The following PRKCB variants were observed in gnomAD, a reference collection of about 807,000 sequenced individuals.
PRKCB encodes protein kinase C beta, also known as protein kinase C beta type.
A neutral mutation model predicts 81.5 loss-of-function variants in PRKCB; 13 were observed. The observed-to-expected ratio is 0.16, with a 90% CI of 0.10 to 0.25. The LOEUF (loss-of-function observed/expected upper bound fraction) is 0.25. PRKCB is among the 10% of genes least tolerant of loss of function. The pLI is 1.00. For missense variants in PRKCB, 509 were observed against 875.7 expected, an observed-to-expected ratio of 0.58 and a Z score of 5.29; for synonymous variants, 335 against 321.4, an observed-to-expected ratio of 1.04 and a Z score of -0.45.
chr16:23,836,141 C>T lies in PRKCB; in HGVS notation c.-35C>T. 3 of 1,383,802 alleles carry T rather than the reference C, an allele frequency of 2.2e-6. No individual in the cohort carries two copies. Among genetic ancestry groups the T allele is most frequent in the Non-Finnish European group, 2.8e-6 (3 of 1,066,952 alleles). The allele number at this position is 1,383,802 out of a possible 1,614,324, so 85.7% of individuals were successfully genotyped here. A position where few individuals can be genotyped will look rare whatever the true frequency, so the allele number is the denominator to read the frequency against. On this transcript the variant is annotated 5_prime_UTR_variant, in exon 1 of 17. Coordinates refer to ENST00000643927, the MANE Select transcript of PRKCB (RefSeq NM_002738.7). ...GCCCGCGGTCCCGCGGCCCCGGGGC[C>T]GGCACCTCTCGGGCTCCGGCTCCCC...
At chr16:24,025,206 G>A (rs1356245949) in intron 3 of PRKCB, among the ~76,000 whole-genome samples, 1 of 152,170 alleles carries the variant, frequency 6.6e-6, no homozygotes, top group Non-Finnish European at 1.5e-5. Context: ...CATGTTTATG[G>A]TGCAGGGGTT....
chr16:24,197,428 A>G (rs543414305), intron 16 of PRKCB, among the ~76,000 whole-genome samples: 2 of 152,228 alleles, frequency 1.3e-5, no homozygotes, highest in South Asian at 2.1e-4. Flanking sequence ...GCCCTGAGGC[A>G]GGAGCTTGCC....
chr16:23,987,730 C>T (rs1358009219), intron 2 of PRKCB, among the ~76,000 whole-genome samples: 1 of 152,116 alleles, frequency 6.6e-6, no homozygotes, highest in Non-Finnish European at 1.5e-5. Flanking sequence ...CACCCGTCCT[C>T]CAGAAACCCG....
chr16:23,933,563 C>T (rs574173322), intron 2 of PRKCB, among the ~76,000 whole-genome samples: 1 of 152,080 alleles, frequency 6.6e-6, no homozygotes, highest in Non-Finnish European at 1.5e-5. Flanking sequence ...CATTTTCTAC[C>T]AGAAGACCTT....
chr16:24,042,743 A>ATTTTTT (rs4039567), intron 5 of PRKCB, among the ~76,000 whole-genome samples: 2 of 144,510 alleles, frequency 1.4e-5, no homozygotes, highest in Non-Finnish European at 3.0e-5. Flanking sequence ...TACATACAAA[A>ATTTTTT]TTTTTTTTTT....
intron 2 of PRKCB, among the ~76,000 whole-genome samples, chr16:23,881,457 G>C (rs368654705): frequency 2.0e-5 from 3 of 152,084 alleles, no homozygotes; most frequent in East Asian, 1.9e-4. Context: ...TCATCATGTT[G>C]CCCAGGCTGG....
At chr16:23,866,186 C>T (rs1282603254) in intron 2 of PRKCB, among the ~76,000 whole-genome samples, 1 of 152,122 alleles carries the variant, frequency 6.6e-6, no homozygotes, top group Non-Finnish European at 1.5e-5. Context: ...CCAAGTGTGC[C>T]TTGGTTGACT....
chr16:23,900,032 C>T (rs970953570), intron 2 of PRKCB, among the ~76,000 whole-genome samples: 1 of 152,072 alleles, frequency 6.6e-6, no homozygotes, highest in African/African-American at 2.4e-5. Flanking sequence ...TAATTTAACT[C>T]AAGTGATTTT....
chr16:24,074,285 G>A (rs1966151313), intron 5 of PRKCB, among the ~76,000 whole-genome samples: 1 of 152,206 alleles, frequency 6.6e-6, no homozygotes, highest in Non-Finnish European at 1.5e-5. Context: ...GCACTGTGAT[G>A]TCGTGCCTAA....
At chr16:24,014,483 C>G (rs1340735312) in intron 3 of PRKCB, among the ~76,000 whole-genome samples, 3 of 152,186 alleles carry the variant, frequency 2.0e-5, no homozygotes, top group African/African-American at 7.2e-5. Context: ...GAATACCAAG[C>G]CTAACCCCTT....
rs138119773 is a variant in PRKCB, at chr16:23,905,145, C to A, written c.205+67739C>A. Among the ~76,000 whole-genome samples, 620 of 151,460 alleles carry A rather than the reference C, an allele frequency of 4.1e-3. 2 individuals carry two copies. The highest frequency in any genetic ancestry group is 6.8e-3 in the Non-Finnish European group (462 of 67,942). ...CATTGCTTCCATTTAGAGAAGCAGC[C>A]GGCCCTGGAATGTGGCCGCAGGGCT... On this transcript the variant is annotated intron_variant, in intron 2 of 16. Coordinates refer to ENST00000643927, the MANE Select transcript of PRKCB (RefSeq NM_002738.7).
chr16:24,021,014 TTCTTTCTTTCTTTC>T (rs1779268081), intron 3 of PRKCB, among the ~76,000 whole-genome samples: 5 of 140,962 alleles, frequency 3.5e-5, no homozygotes, highest in Admixed American at 7.1e-5. Flanking sequence ...CTTTCTTTCT[TTCTTTCTTTCTTTC>T]TTTCTTTCTT....
At chr16:23,937,729 G>T (rs965517231) in intron 2 of PRKCB, among the ~76,000 whole-genome samples, 5 of 152,306 alleles carry the variant, frequency 3.3e-5, no homozygotes, top group African/African-American at 1.2e-4. Context: ...CGTACCAAGT[G>T]GGAAGTCACT....
chr16:24,041,332 G>C (rs181505535), intron 5 of PRKCB, among the ~76,000 whole-genome samples: 8 of 152,198 alleles, frequency 5.3e-5, no homozygotes, highest in Admixed American at 4.6e-4. Context: ...GATTACAGGC[G>C]TGAGCCACCG....
chr16:24,070,641 C>T (rs556345377), intron 5 of PRKCB, among the ~76,000 whole-genome samples: 2 of 152,238 alleles, frequency 1.3e-5, no homozygotes, highest in Admixed American at 1.3e-4. Flanking sequence ...CCCTCTCAGC[C>T]ATCTTATGAG....
intron 2 of PRKCB, among the ~76,000 whole-genome samples, chr16:23,940,984 G>GT (rs1219495742): frequency 6.6e-6 from 1 of 152,160 alleles, no homozygotes; most frequent in Non-Finnish European, 1.5e-5. Flanking sequence ...GATGATAGCT[G>GT]TTTTTCAATT....
intron 2 of PRKCB, among the ~76,000 whole-genome samples, chr16:23,909,929 A>G (rs922923722): frequency 2.0e-5 from 3 of 152,106 alleles, no homozygotes; most frequent in Admixed American, 1.3e-4. Flanking sequence ...ATCACCTCCC[A>G]AAGGCCCCAC....
At chr16:24,164,993 C>T (rs918798622) in intron 10 of PRKCB, among the ~76,000 whole-genome samples, 1 of 152,136 alleles carries the variant, frequency 6.6e-6, no homozygotes, top group Non-Finnish European at 1.5e-5. Flanking sequence ...CCATAGTTCA[C>T]TCTTTATGCC....
intron 2 of PRKCB, among the ~76,000 whole-genome samples, chr16:23,955,080 A>G (rs1002250265): frequency 1.2e-4 from 18 of 152,090 alleles, no homozygotes; most frequent in Non-Finnish European, 2.1e-4. Context: ...TAGGGAAAAA[A>G]TTACACACAG....
Sources: gnomAD v4.1 joint callset for allele counts (sites outside exome capture counted in the v4.1 genomes callset) on GRCh38, gnomAD v4.1.1 for gene constraint, MANE v1.5 for transcripts, NCBI Gene and HGNC (gene_info 2026-07-23, HGNC 2026-07-21) for gene names.